The following PCSK5 variants were observed in gnomAD, a reference collection of about 807,000 sequenced individuals.
PCSK5 encodes proprotein convertase subtilisin/kexin type 5.
PCSK5 carries 129 observed loss-of-function variants against 233.2 expected under a neutral mutation model. The ratio of observed to expected loss-of-function variants is 0.55; its 90% CI spans 0.48 to 0.64. The LOEUF (loss-of-function observed/expected upper bound fraction) is 0.64. PCSK5 is among the 30% of genes least tolerant of loss of function. The probability of loss-of-function intolerance (pLI) is 0.00; values close to 1 mark genes in which losing one functional copy is unlikely to be tolerated. For missense variants in PCSK5, 2,076 were observed against 2,430.1 expected (o/e 0.85, Z 3.06); for synonymous variants, 825 against 879.2 (o/e 0.94, Z 1.09).
At chr9:76,092,561 C>T (rs1831339493) in intron 7 of PCSK5, among the ~76,000 whole-genome samples, 2 of 152,138 alleles carry the variant, frequency 1.3e-5, no homozygotes, top group South Asian at 4.1e-4. Context: ...CCATGCCTGG[C>T]TAATTTCTTA....
intron 3 of PCSK5, among the ~76,000 whole-genome samples, chr9:75,992,221 G>A (rs1322410397): frequency 1.3e-5 from 2 of 152,162 alleles, no homozygotes; most frequent in African/African-American, 4.8e-5. Flanking sequence ...CCTCTACAGA[G>A]TCATCACTTG....
intron 2 of PCSK5, among the ~76,000 whole-genome samples, chr9:75,942,871 CTT>C (rs1564098589): frequency 7.1e-6 from 1 of 141,418 alleles, no homozygotes; most frequent in Non-Finnish European, 1.5e-5. Context: ...TGTGGTATTT[CTT>C]TTCTTCTTCT....
At chr9:76,028,535 G>C (rs773595828) in intron 5 of PCSK5, among the ~76,000 whole-genome samples, 26 of 152,106 alleles carry the variant, frequency 1.7e-4, no homozygotes, top group Admixed American at 7.2e-4. Context: ...GGGTGGGATG[G>C]CAGAAATGGT....
chr9:76,318,725 A>AAAAAGTCATCAGAG (rs1829104367), intron 30 of PCSK5, among the ~76,000 whole-genome samples: 1 of 152,232 alleles, frequency 6.6e-6, no homozygotes, highest in African/African-American at 2.4e-5. Flanking sequence ...ATGCATTTGA[A>AAAAAGTCATCAGAG]AAAAGTCATC....
At chr9:76,006,765 G>A (rs1827495397) in intron 3 of PCSK5, among the ~76,000 whole-genome samples, 1 of 152,184 alleles carries the variant, frequency 6.6e-6, no homozygotes, top group Non-Finnish European at 1.5e-5. Context: ...GAAAGGGCTT[G>A]TAAGTGCAGT....
intron 24 of PCSK5, among the ~76,000 whole-genome samples, chr9:76,261,584 T>C: frequency 6.6e-6 from 1 of 152,172 alleles, no homozygotes; most frequent in Non-Finnish European, 1.5e-5. Context: ...ATAAAAAATC[T>C]CTATGAGAAC....
At chr9:76,276,653 T>C (rs1827696620) in intron 24 of PCSK5, among the ~76,000 whole-genome samples, 1 of 152,194 alleles carries the variant, frequency 6.6e-6, no homozygotes, top group South Asian at 2.1e-4. Context: ...TCTACTCAGA[T>C]GTCAATTCTT....
intron 8 of PCSK5, among the ~76,000 whole-genome samples, chr9:76,097,339 A>G: frequency 8.0e-6 from 1 of 124,684 alleles, no homozygotes; most frequent in Non-Finnish European, 1.5e-5. Context: ...GGCTCACTGC[A>G]AGCTCCGCTT....
chr9:76,126,138 G>C (rs940260481), intron 9 of PCSK5, among the ~76,000 whole-genome samples: 2 of 151,024 alleles, frequency 1.3e-5, no homozygotes, highest in Non-Finnish European at 2.9e-5. Flanking sequence ...TTTTGTAATA[G>C]ATTTCTGTTA....
chr9:76,249,331 A>G (rs910337462), intron 24 of PCSK5, among the ~76,000 whole-genome samples: 17 of 152,344 alleles, frequency 1.1e-4, no homozygotes, highest in African/African-American at 4.1e-4. Flanking sequence ...AGATAATCAC[A>G]AGATAAATCA....
chr9:76,292,377 C>G, intron 25 of PCSK5, 102 bp downstream of exon 25: 3 of 763,018 alleles, frequency 3.9e-6, no homozygotes, highest in Non-Finnish European at 4.7e-6. Context: ...CCCTGCAGCC[C>G]GAAGCAACTC....
chr9:76,322,947 A>G, intron 31 of PCSK5, 105 bp from the exon 32 acceptor site: 1 of 663,298 alleles, frequency 1.5e-6, no homozygotes, highest in Non-Finnish European at 2.7e-6. Flanking sequence ...GCATACTCTC[A>G]GGTCAAATCA....
intron 21 of PCSK5, among the ~76,000 whole-genome samples, chr9:76,230,487 G>T (rs918715829): frequency 2.6e-5 from 4 of 152,152 alleles, no homozygotes; most frequent in African/African-American, 9.7e-5. Context: ...CAAGACAAAT[G>T]ATTTCCCCCC....
At chr9:76,190,332 A>AT (rs3077112) in intron 20 of PCSK5, among the ~76,000 whole-genome samples, 92 of 146,120 alleles carry the variant, frequency 6.3e-4, no homozygotes, top group Middle Eastern at 3.5e-3. Context: ...CCCACTACTG[A>AT]TTTTTTTTTT....
chr9:76,063,286 C>A (rs1830099222), intron 5 of PCSK5, among the ~76,000 whole-genome samples: 1 of 149,408 alleles, frequency 6.7e-6, no homozygotes, highest in East Asian at 2.0e-4. Flanking sequence ...AGGTGTGCAC[C>A]ACCACACCTG....
intron 2 of PCSK5, among the ~76,000 whole-genome samples, chr9:75,948,391 A>G (rs866568300): frequency 2.4e-4 from 33 of 138,414 alleles, no homozygotes; most frequent in Middle Eastern, 5.1e-3. Context: ...CCTCCCACCT[A>G]TGAGTGAGAA....
chr9:76,289,502 CACA>C (rs1564159530), intron 24 of PCSK5, among the ~76,000 whole-genome samples: 1 of 125,430 alleles, frequency 8.0e-6, no homozygotes, highest in Non-Finnish European at 1.7e-5. Flanking sequence ...CACACACACA[CACA>C]CACACGCAAC....
intron 9 of PCSK5, among the ~76,000 whole-genome samples, chr9:76,117,771 G>A (rs531973045): frequency 6.6e-6 from 1 of 152,244 alleles, no homozygotes; most frequent in South Asian, 2.1e-4. Context: ...CAGTTATGTA[G>A]TCTTCAGTGA....
chr9:75,891,923 G>A (rs1022578614), intron 1 of PCSK5, among the ~76,000 whole-genome samples: 13 of 152,066 alleles, frequency 8.5e-5, no homozygotes, highest in South Asian at 2.1e-4. Flanking sequence ...CTGGAAGGGA[G>A]GAGAAAGGAG....
Sources: allele counts gnomAD v4.1 joint callset (sites outside exome capture counted in the v4.1 genomes callset), GRCh38; gene constraint gnomAD v4.1.1; transcripts MANE v1.5; gene names NCBI Gene and HGNC (gene_info 2026-07-23, HGNC 2026-07-21).